FCRLA: variants seen among roughly 807,000 people sequenced by gnomAD.
The protein encoded by FCRLA is Fc receptor like A.
FCRLA carries 26 observed loss-of-function variants against 28.4 expected under a neutral mutation model. The ratio of observed to expected loss-of-function variants is 0.91; its 90% confidence interval spans 0.67 to 1.27. The LOEUF (loss-of-function observed/expected upper bound fraction) is 1.27, where lower values mean the gene tolerates loss of function less well. FCRLA is among the 50% of genes most tolerant of loss of function. The pLI is 0.00. For missense variants in FCRLA, 422 were observed against 433.1 expected (o/e 0.97, Z 0.23); for synonymous variants, 174 against 168.5 (o/e 1.03, Z -0.25).
rs759545585 is a variant in FCRLA, at chr1:161,712,193, C to T, written c.759C>T (p.Ser253=). Residue 253 remains serine (S), a synonymous_variant, in exon 4 of 5, where the codon AGC becomes AGT. Transcript: ENST00000236938. The part of the protein sequence containing the change: ...ATEDNQVWKQ[S]PQLEIRVQGA... ...AGGACAACCAAGTTTGGAAACAGAG[C>T]CCCCAGCTAGAGATCAGAGTGCAGG... The T allele has an allele frequency of 5.6e-6, 9 of 1,613,472 alleles. No homozygotes were observed. The highest frequency in any genetic ancestry group is 2.7e-5 in the African/African-American group (2 of 74,884).
chr1:161,712,483 C>A (rs985024872), intron 4 of FCRLA, among the ~76,000 whole-genome samples: 1 of 152,160 alleles, frequency 6.6e-6, no homozygotes, highest in African/African-American at 2.4e-5. Flanking sequence ...AGCATCCCCC[C>A]CAACATGCTC....
At chr1:161,711,038 C>T (rs1683072980) in intron 2 of FCRLA, 126 bp downstream of exon 2, 1 of 1,455,198 alleles carries the variant, frequency 6.9e-7, no homozygotes, top group Non-Finnish European at 9.3e-7. Context: ...CTTCAGCCCA[C>T]AGCAACCAGG....
Position 161,710,837 on chromosome 1 carries a change from A to C in FCRLA, c.157A>C (p.Thr53Pro). Residue 53 changes from threonine (T) to proline (P), a missense_variant, in exon 2 of 5, where the codon ACT becomes CCT. By Grantham distance (38) the Thr-to-Pro change is conservative. This residue lies in a region of FCRLA where 231 missense variants were observed against 214.6 expected (regional missense o/e 1.08). Transcript: ENST00000236938. The stretch of plus-strand genomic sequence containing the variant: ...CAGCTGCCACACGGAGGATGACTTG[A>C]CTGATGCAAGGGAAGCTGGCTTCCA... ...ESSCHTEDDLTDAREAGFQVK... is the reference protein window; with the variant it reads ...ESSCHTEDDLPDAREAGFQVK... The C allele has an allele frequency of 1.2e-6, 2 of 1,613,946 alleles. No homozygotes were observed. The highest frequency in any genetic ancestry group is 1.7e-6 in the Non-Finnish European group (2 of 1,179,988).
In FCRLA at chr1:161,713,097, C is replaced by CTGCTGCACCTCCCACAT; in HGVS notation, c.800_816dup (p.Asn273LeufsTer6). ...CCCCATAATTCAGGTGCTTCCAGCT[C>CTGCTGCACCTCCCACAT]TGCTGCACCTCCCACATTGAATCCA... is the stretch of plus-strand genomic sequence containing the variant. On this transcript the variant is annotated frameshift_variant, in exon 5 of 5. Coordinates refer to ENST00000236938, the MANE Select transcript of FCRLA (RefSeq NM_032738.4). LOFTEE classifies it low-confidence loss of function (END_TRUNC). 6.2e-7 allele frequency: 1 copy of CTGCTGCACCTCCCACAT among 1,613,370 alleles called. No homozygotes were observed. Among genetic ancestry groups the CTGCTGCACCTCCCACAT allele is most frequent in the Non-Finnish European group, 8.5e-7 (1 of 1,179,704 alleles).
chr1:161,707,365 T>C (rs1212859513), intron 1 of FCRLA, 22 bp downstream of exon 1: 1 of 1,565,260 alleles, frequency 6.4e-7, no homozygotes, highest in African/African-American at 1.4e-5. Context: ...ATTTGAATAT[T>C]GGTGTGGGAA....
In FCRLA at chr1:161,711,961, C is replaced by A; in HGVS notation, c.527C>A (p.Ala176Asp). 6.2e-7 allele frequency: 1 copy of A among 1,613,794 alleles called. No homozygotes were observed. Among genetic ancestry groups the A allele is most frequent in the South Asian group, 1.1e-5 (1 of 91,016 alleles). Residue 176 changes from alanine to aspartate, a missense_variant, in exon 4 of 5, where the codon GCT (alanine) becomes GAT (aspartate). Ala to Asp is a moderately radical substitution (Grantham distance 126, BLOSUM62 -2). Coordinates refer to ENST00000236938, the MANE Select transcript of FCRLA (RefSeq NM_032738.4). The part of the protein sequence containing the change: ...QELFPAPILR[A>D]VPSAEPQAGS... ...CTGTTTCCAGCGCCAATTCTCAGAGCTGTACCCTCAGCTGAACCCCAAGCA... is the reference window on the plus strand; with the variant it reads ...CTGTTTCCAGCGCCAATTCTCAGAGATGTACCCTCAGCTGAACCCCAAGCA...
rs1455816566 is a variant in FCRLA, at chr1:161,707,318, G to C, written c.54G>C (p.Val18=). The C allele has an allele frequency of 1.9e-6, 3 of 1,609,558 alleles. No individual in the cohort carries two copies. The highest frequency in any genetic ancestry group is 1.1e-5 in the South Asian group (1 of 90,382). Residue 18 remains valine, a synonymous_variant, in exon 1 of 5, where the codon GTG becomes GTC. Coordinates refer to ENST00000236938, the MANE Select transcript of FCRLA (RefSeq NM_032738.4). Reference sequence around the variant, plus strand: ...GGGCCCTCTACCTTTCCCTTGGTGTGCTCTGGGTGGCCCAGATGCTACTGG... The same window carrying C: ...GGGCCCTCTACCTTTCCCTTGGTGTCCTCTGGGTGGCCCAGATGCTACTGG... ...MAWALYLSLG[V]LWVAQMLLAA...
chr1:161,709,300 T>A (rs912945249), intron 1 of FCRLA, among the ~76,000 whole-genome samples: 1 of 152,068 alleles, frequency 6.6e-6, no homozygotes, highest in Non-Finnish European at 1.5e-5. Context: ...GCCAATTTTT[T>A]AAAAAATTAT....
intron 1 of FCRLA, among the ~76,000 whole-genome samples, chr1:161,708,329 T>A (rs1682932300): frequency 6.6e-6 from 1 of 152,240 alleles, no homozygotes; most frequent in Non-Finnish European, 1.5e-5. Flanking sequence ...TTTTACCTTC[T>A]AAATTGTTCA....
In FCRLA at chr1:161,714,171, C is replaced by G. The variant is rs909654790; in HGVS notation, c.*791C>G. Reference sequence around the variant, plus strand: ...GAGCCCTCATGATTAGGATTAGTGCCCTTATTTAAAAAGGCCCCAGAGAGC... The same window carrying G: ...GAGCCCTCATGATTAGGATTAGTGCGCTTATTTAAAAAGGCCCCAGAGAGC... On this transcript the variant is annotated 3_prime_UTR_variant, in exon 5 of 5. Transcript: ENST00000236938. 6.6e-6 allele frequency: 1 copy of G among 152,086 alleles called. No homozygotes were observed. Among genetic ancestry groups the G allele is most frequent in the Non-Finnish European group, 1.5e-5 (1 of 68,036 alleles). The allele number at this position is 152,086 out of a possible 1,614,324, so 9.4% of individuals were successfully genotyped here.
chr1:161,711,036 C>A, intron 2 of FCRLA, 124 bp downstream of exon 2: 1 of 1,456,478 alleles, frequency 6.9e-7, no homozygotes, highest in Non-Finnish European at 9.3e-7. Flanking sequence ...GTCTTCAGCC[C>A]ACAGCAACCA....
At position 161,713,410 on chromosome 1, in the gene FCRLA, A is replaced by G; in HGVS notation, c.*30A>G. 2 of 1,545,518 alleles carry G rather than the reference A, an allele frequency of 1.3e-6. No individual in the cohort carries two copies. The highest frequency in any genetic ancestry group is 1.8e-6 in the Non-Finnish European group (2 of 1,131,546). ...AAACAGTTCATCCATGATCTCACTTAACCACCCCAATAAATCTGATTCTTT... is the reference window on the plus strand; with the variant it reads ...AAACAGTTCATCCATGATCTCACTTGACCACCCCAATAAATCTGATTCTTT... On this transcript the variant is annotated 3_prime_UTR_variant, in exon 5 of 5. Coordinates refer to ENST00000236938, the MANE Select transcript of FCRLA (RefSeq NM_032738.4).
chr1:161,710,150 G>A (rs1683022269), intron 1 of FCRLA: 1 of 368,578 alleles, frequency 2.7e-6, no homozygotes, highest in African/African-American at 2.0e-5. Flanking sequence ...TCTGAGGACT[G>A]AAGTAGACCA....
At chr1:161,711,842 A>C (rs1170428261) in intron 3 of FCRLA, 92 bp from the exon 4 acceptor site, 20 of 1,418,218 alleles carry the variant, frequency 1.4e-5, no homozygotes, top group Non-Finnish European at 1.7e-5. Flanking sequence ...AACAGGGGAA[A>C]GGAAGTATGA....
chr1:161,709,383 C>T (rs1179132213), intron 1 of FCRLA, among the ~76,000 whole-genome samples: 1 of 152,186 alleles, frequency 6.6e-6, no homozygotes, highest in Non-Finnish European at 1.5e-5. Context: ...CCTCCCACCT[C>T]AACCTCCCAA....
At position 161,710,827 on chromosome 1, in the gene FCRLA, G is replaced by A. The variant is rs764297192; in HGVS notation, c.147G>A (p.Glu49=). The part of the protein sequence containing the change: ...VCTEESSCHT[E]DDLTDAREAG... ...CTGAGGAGAGCAGCTGCCACACGGA[G>A]GATGACTTGACTGATGCAAGGGAAG... Residue 49 remains glutamate (E), a synonymous_variant, in exon 2 of 5, where the codon GAG becomes GAA. Coordinates refer to ENST00000236938, the MANE Select transcript of FCRLA (RefSeq NM_032738.4). 16 of 1,613,980 alleles carry A rather than the reference G, an allele frequency of 9.9e-6. No homozygotes were observed. The highest frequency in any genetic ancestry group is 4.4e-5 in the South Asian group (4 of 91,070).
chr1:161,712,362 T>C, intron 4 of FCRLA, 144 bp downstream of exon 4: 1 of 945,420 alleles, frequency 1.1e-6, no homozygotes, highest in Non-Finnish European at 1.6e-6. Context: ...TGGGCCAGAA[T>C]CCCTGATGAT....
chr1:161,708,811 C>A (rs908448793), intron 1 of FCRLA, among the ~76,000 whole-genome samples: 2 of 152,104 alleles, frequency 1.3e-5, no homozygotes, highest in African/African-American at 2.4e-5. Flanking sequence ...TGGCTGCTTG[C>A]GATACATTTT....
At chr1:161,709,612 A>G (rs1682997743) in intron 1 of FCRLA, among the ~76,000 whole-genome samples, 1 of 151,994 alleles carries the variant, frequency 6.6e-6, no homozygotes, top group East Asian at 1.9e-4. Flanking sequence ...GGGACATGAC[A>G]AAATCAAAGA....
Sources: gnomAD v4.1 joint callset for allele counts (sites outside exome capture counted in the v4.1 genomes callset) on GRCh38, gnomAD v4.1.1 for gene constraint, gnomAD v4.1.1 regional missense constraint, MANE v1.5 for transcripts, NCBI Gene and HGNC (gene_info 2026-07-23, HGNC 2026-07-21) for gene names.